Variants in SEMA3E observed in about 807,000 individuals in gnomAD.
SEMA3E encodes the protein semaphorin 3E, also known as semaphorin-3E.
Under a neutral mutation model 93.6 loss-of-function variants are expected in SEMA3E, and 49 were observed. The observed-to-expected ratio is 0.52, with a 90% CI of 0.42 to 0.66. The LOEUF (loss-of-function observed/expected upper bound fraction) is 0.66. Among genes scored for constraint, SEMA3E ranks in the 30% least tolerant of loss-of-function variants. SEMA3E has a pLI of 0.00. For synonymous variants in SEMA3E, 363 were observed against 330.7 expected, an observed-to-expected ratio of 1.10 and a Z score of -1.06; for missense variants, 906 against 964.8, an observed-to-expected ratio of 0.94 and a Z score of 0.81.
intron 1 of SEMA3E, among the ~76,000 whole-genome samples, chr7:83,641,083 T>C (rs1437608822): frequency 6.6e-6 from 1 of 152,160 alleles, no homozygotes; most frequent in Admixed American, 6.5e-5. Context: ...AATGCAGCAC[T>C]GATGAGAAAG....
chr7:83,546,757 T>C (rs979448833), intron 1 of SEMA3E, among the ~76,000 whole-genome samples: 2 of 152,066 alleles, frequency 1.3e-5, no homozygotes, highest in African/African-American at 2.4e-5. Flanking sequence ...AATAAATTAA[T>C]GATGAGTAAC....
chr7:83,400,842 T>C (rs1268869825), intron 10 of SEMA3E, among the ~76,000 whole-genome samples: 1 of 152,150 alleles, frequency 6.6e-6, no homozygotes, highest in Non-Finnish European at 1.5e-5. Flanking sequence ...AGGGAAACAA[T>C]CTATTGTTCA....
At chr7:83,469,403 T>G in intron 2 of SEMA3E, 101 bp from the exon 3 acceptor site, 1 of 746,260 alleles carries the variant, frequency 1.3e-6, no homozygotes, top group African/African-American at 1.8e-5. Context: ...ATTTCCTTTT[T>G]TTTTTTTTTC....
Position 83,581,548 on chromosome 7 carries a change from T to A in SEMA3E, c.115+66880A>T, listed in dbSNP as rs182626990. Among the ~76,000 whole-genome samples, 111 of 152,188 alleles carry A rather than the reference T, an allele frequency of 7.3e-4. 1 individual carries two copies. The Middle Eastern group carries it at 0.01, about 14-fold the overall frequency. ...TAGCATTTTAAACAGTGTACATTTT[T>A]AAACTACTATTTGTTGGTGTTTCCA... On this transcript the variant is annotated intron_variant, in intron 1 of 16. Coordinates refer to ENST00000643230, the MANE Select transcript of SEMA3E (RefSeq NM_012431.3).
intron 1 of SEMA3E, among the ~76,000 whole-genome samples, chr7:83,591,393 TTCCAAC>T (rs1792754993): frequency 6.6e-6 from 1 of 151,710 alleles, no homozygotes. Context: ...TTTTCCAGCG[TTCCAAC>T]TCCAAGTTTG....
chr7:83,614,178 G>A (rs1055724815), intron 1 of SEMA3E, among the ~76,000 whole-genome samples: 1 of 152,056 alleles, frequency 6.6e-6, no homozygotes, highest in Admixed American at 6.6e-5. Context: ...TACCTAAGAT[G>A]GGAGAAGAAG....
chr7:83,630,117 C>G (rs1793757441), intron 1 of SEMA3E, among the ~76,000 whole-genome samples: 1 of 152,194 alleles, frequency 6.6e-6, no homozygotes, highest in Non-Finnish European at 1.5e-5. Context: ...GGGCTGCACC[C>G]ACTGTCTAAC....
At chr7:83,404,165 G>C (rs976555571) in intron 9 of SEMA3E, among the ~76,000 whole-genome samples, 2 of 151,954 alleles carry the variant, frequency 1.3e-5, no homozygotes, top group Admixed American at 6.6e-5. Context: ...TCCATGCGCT[G>C]TGATAACTAC....
rs1420552286 is a variant in SEMA3E at position 83,627,097 on chromosome 7, G to A, written c.115+21331C>T. Among the ~76,000 whole-genome samples the A allele has an allele frequency of 2.0e-5, 3 of 152,024 alleles. No individual in the cohort carries two copies. The East Asian group carries it at 5.8e-4, about 29-fold the overall frequency. ...CGTTTGTTACAATTTGTGTTCTTTT[G>A]CATTTGCTGAGGAGTGTTTTACTTC... On this transcript the variant is annotated intron_variant, in intron 1 of 16. Coordinates refer to ENST00000643230, the MANE Select transcript of SEMA3E (RefSeq NM_012431.3).
intron 1 of SEMA3E, among the ~76,000 whole-genome samples, chr7:83,619,904 C>CAGACAGAT (rs71522672): frequency 0.027 from 3,968 of 148,128 alleles, 66 homozygotes; most frequent in Middle Eastern, 0.045. Flanking sequence ...GATAGATAGA[C>CAGACAGAT]AGATAGATAG....
At chr7:83,484,360 C>A (rs1168818337) in intron 2 of SEMA3E, among the ~76,000 whole-genome samples, 4 of 152,170 alleles carry the variant, frequency 2.6e-5, no homozygotes, top group Non-Finnish European at 4.4e-5. Flanking sequence ...TACCATCATC[C>A]ATTGCTACTT....
rs62458485 is a variant in SEMA3E, at chr7:83,405,368, A to T, written c.998+82T>A. The T allele has an allele frequency of 8.2e-4, 817 of 999,392 alleles. 1 individual carries two copies. Among genetic ancestry groups the T allele is most frequent in the Non-Finnish European group, 1.2e-3 (724 of 627,522 alleles). The allele number at this position is 999,392 out of a possible 1,614,324, so 61.9% of individuals were successfully genotyped here. A position where few individuals can be genotyped will look rare whatever the true frequency, so the allele number is the denominator to read the frequency against. Reference sequence around the variant, plus strand: ...AGAGCAACTGGGTCAATAGTCTTTCAACTTATATACACCATGAAGGGAGAG... The same window carrying T: ...AGAGCAACTGGGTCAATAGTCTTTCTACTTATATACACCATGAAGGGAGAG... On this transcript the variant is annotated intron_variant, in intron 9 of 16. Transcript: ENST00000643230.
intron 1 of SEMA3E, among the ~76,000 whole-genome samples, chr7:83,640,011 A>C (rs761108568): frequency 1.1e-4 from 16 of 152,244 alleles, no homozygotes; most frequent in Non-Finnish European, 1.9e-4. Flanking sequence ...CAATGCTGAG[A>C]GTACATTTCC....
intron 13 of SEMA3E, 81 bp downstream of exon 13, chr7:83,394,216 T>C (rs1232191809): frequency 7.1e-7 from 1 of 1,416,694 alleles, no homozygotes; most frequent in Non-Finnish European, 9.9e-7. Flanking sequence ...GCACATGTAC[T>C]AATGTTCTCA....
intron 1 of SEMA3E, among the ~76,000 whole-genome samples, chr7:83,506,185 G>A (rs1790702660): frequency 6.6e-6 from 1 of 151,874 alleles, no homozygotes; most frequent in Admixed American, 6.6e-5. Flanking sequence ...GGCAAGCACT[G>A]TTCACAATAG....
intron 2 of SEMA3E, among the ~76,000 whole-genome samples, chr7:83,481,567 T>A (rs1790146677): frequency 6.6e-6 from 1 of 152,086 alleles, no homozygotes; most frequent in East Asian, 1.9e-4. Flanking sequence ...GCAAATGGAG[T>A]TACTAAATTG....
intron 1 of SEMA3E, among the ~76,000 whole-genome samples, chr7:83,645,376 C>T (rs781619634): frequency 7.9e-5 from 12 of 152,050 alleles, no homozygotes; most frequent in Non-Finnish European, 1.2e-4. Flanking sequence ...TAAATATTTG[C>T]CTGATACAGC....
chr7:83,385,402 C>T lies in SEMA3E; in HGVS notation c.1767G>A (p.Leu589=). Residue 589 remains leucine (L), a synonymous_variant, in exon 16 of 17, where the codon CTG becomes CTA. Transcript: ENST00000643230. ...GDALDKTEEH[L]AYGIENNSTL... is the part of the protein sequence containing the mutation. Reference sequence around the variant, plus strand: ...TACTGTTGTTCTCTATGCCATAAGCCAGATGTTCTTCAGTCTTATCCAAAG... The same window carrying T: ...TACTGTTGTTCTCTATGCCATAAGCTAGATGTTCTTCAGTCTTATCCAAAG... 2 of 1,613,458 alleles carry T rather than the reference C, an allele frequency of 1.2e-6. No individual in the cohort carries two copies. The highest frequency in any genetic ancestry group is 1.7e-6 in the Non-Finnish European group (2 of 1,179,600).
intron 4 of SEMA3E, among the ~76,000 whole-genome samples, chr7:83,460,764 C>T (rs1312492233): frequency 6.6e-6 from 1 of 151,136 alleles, no homozygotes; most frequent in Non-Finnish European, 1.5e-5. Flanking sequence ...CGTGCCCCGG[C>T]CCCTTATTTC....
Sources: gnomAD v4.1 joint callset for allele counts (sites outside exome capture counted in the v4.1 genomes callset) on GRCh38, gnomAD v4.1.1 for gene constraint, MANE v1.5 for transcripts, NCBI Gene and HGNC (gene_info 2026-07-23, HGNC 2026-07-21) for gene names.